ZNHIT3: variants seen among roughly 807,000 people sequenced by gnomAD.
ZNHIT3 encodes the protein zinc finger HIT-type containing 3, also known as zinc finger HIT domain-containing protein 3.
ZNHIT3 carries 27 observed loss-of-function variants against 19.9 expected under a neutral mutation model. The observed-to-expected ratio is 1.36, with a 90% CI of 1.00 to 1.87. ZNHIT3 has a LOEUF of 1.87. ZNHIT3 is among the 40% of genes most tolerant of loss of function. ZNHIT3 has a pLI of 0.00. For missense variants in ZNHIT3, 215 were observed against 185.6 expected (o/e 1.16, Z -0.92); for synonymous variants, 81 against 65.7 (o/e 1.23, Z -1.13).
Position 36,486,766 on chromosome 17 carries a change from C to T in ZNHIT3, c.67C>T (p.Pro23Ser), listed in dbSNP as rs759131853. Reference sequence around the variant, plus strand: ...CTTGGAGAAGCCCAAATACCGCTGTCCAGCCTGCCGCGTGCCCTAGTGAGC... The same window carrying T: ...CTTGGAGAAGCCCAAATACCGCTGTTCAGCCTGCCGCGTGCCCTAGTGAGC... ...ICLEKPKYRCPACRVPYCSVV... is the reference protein window; with the variant it reads ...ICLEKPKYRCSACRVPYCSVV... Residue 23 changes from proline to serine, a missense_variant, in exon 1 of 5, where the codon CCA (proline) becomes TCA (serine). Physicochemically the swap from Pro to Ser is moderately conservative, Grantham distance 74 (BLOSUM62 -1). Transcript: ENST00000617429. 5 of 1,613,420 alleles carry T rather than the reference C, an allele frequency of 3.1e-6. No individual in the cohort carries two copies. The South Asian group carries it at 5.5e-5, about 18-fold the overall frequency.
downstream of ZNHIT3, chr17:36,498,503 G>C: frequency 6.2e-7 from 1 of 1,614,058 alleles, no homozygotes; most frequent in African/African-American, 1.3e-5. Context: ...GAGCTTGAGA[G>C]AAGTGTTTTT....
In ZNHIT3 at chr17:36,486,958, A is replaced by T. The variant is rs768251201; in HGVS notation, c.110A>T (p.Lys37Met). 7.4e-6 allele frequency: 12 copies of T among 1,611,266 alleles called. No individual in the cohort carries two copies. Among genetic ancestry groups the T allele is most frequent in the Non-Finnish European group, 1.0e-5 (12 of 1,179,482 alleles). ...VPYCSVVCFRKHKEQCNPETR... is the reference protein window; with the variant it reads ...VPYCSVVCFRMHKEQCNPETR... ...AGCTGCTCGGTAGTCTGCTTCCGGA[A>T]GCACAAAGGTGAGCCCCGTCCCCGC... The change falls in exon 2 of 5, where the codon AAG becomes ATG. Residue 37 changes from lysine to methionine, a missense_variant. By Grantham distance (95) the Lys-to-Met change is moderately conservative. Transcript: ENST00000617429.
At chr17:36,490,256 G>A (rs1178373866) in intron 2 of ZNHIT3, 5 of 152,098 alleles carry the variant, frequency 3.3e-5, no homozygotes, top group African/African-American at 9.7e-5. Context: ...TATATATGGT[G>A]ACAGATAAGG....
In ZNHIT3 at chr17:36,492,839, G is replaced by T. The variant is rs1427537650; in HGVS notation, c.145G>T (p.Val49Phe). Reference sequence around the variant, plus strand: ...ACAGTGCAACCCTGAAACTCGTCCTGTTGAGAAAAAAATAAGATCAGCTCT... The same window carrying T: ...ACAGTGCAACCCTGAAACTCGTCCTTTTGAGAAAAAAATAAGATCAGCTCT... Reference protein sequence around the residue: ...KEQCNPETRPVEKKIRSALPT... With the variant: ...KEQCNPETRPFEKKIRSALPT... The change falls in exon 3 of 5, where the codon GTT becomes TTT. Residue 49 changes from valine (V) to phenylalanine (F), a missense_variant. Val to Phe is a conservative substitution (Grantham distance 50). Coordinates refer to ENST00000617429, the MANE Select transcript of ZNHIT3 (RefSeq NM_004773.4). 6 of 1,614,028 alleles carry T rather than the reference G, an allele frequency of 3.7e-6. No homozygotes were observed. The East Asian group carries it at 1.3e-4, about 36-fold the overall frequency.
chr17:36,492,134 C>T (rs1334383924), intron 2 of ZNHIT3: 2 of 152,332 alleles, frequency 1.3e-5, no homozygotes, highest in East Asian at 3.8e-4. Context: ...TCTGGTCCTG[C>T]CTTTATGTCC....
chr17:36,489,067 T>C (rs1252456651), intron 2 of ZNHIT3: 4 of 152,258 alleles, frequency 2.6e-5, no homozygotes, highest in South Asian at 2.1e-4. Flanking sequence ...GAACATCTTA[T>C]GGTGCCTGGC....
At chr17:36,487,128 GTC>G (rs957412271) in intron 2 of ZNHIT3, among the ~76,000 whole-genome samples, 162 bp downstream of exon 2, 17 of 152,294 alleles carry the variant, frequency 1.1e-4, no homozygotes, top group African/African-American at 3.9e-4. Context: ...GGTCCCTGGT[GTC>G]TCTGTGTGTC....
chr17:36,495,733 A>C lies in ZNHIT3; in HGVS notation c.*329A>C, dbSNP rs1567719798. 5 of 1,247,028 alleles carry C rather than the reference A, an allele frequency of 4.0e-6. No homozygotes were observed. Among genetic ancestry groups the C allele is most frequent in the African/African-American group, 3.1e-5 (2 of 64,754 alleles). The allele number at this position is 1,247,028 out of a possible 1,614,324, so 77.2% of individuals were successfully genotyped here. A position where few individuals can be genotyped will look rare whatever the true frequency, so the allele number is the denominator to read the frequency against. ...GAGTTAAACTTGGTCAGTGTTAATA[A>C]AATCAAAACGTGATTCTACTGTACA... On this transcript the variant is annotated 3_prime_UTR_variant, in exon 5 of 5. Coordinates refer to ENST00000617429, the MANE Select transcript of ZNHIT3 (RefSeq NM_004773.4).
downstream of ZNHIT3, chr17:36,497,577 C>A (rs1409986446): frequency 3.1e-6 from 3 of 983,594 alleles, no homozygotes; most frequent in Admixed American, 6.2e-5. Flanking sequence ...CCTATTATTA[C>A]CCTAAACCAA....
chr17:36,498,970 C>T (rs143705091), downstream of ZNHIT3: 9 of 919,266 alleles, frequency 9.8e-6, no homozygotes, highest in African/African-American at 1.5e-4. Context: ...AACAACCTGC[C>T]CAAGGCCACC....
At chr17:36,497,965 A>G, downstream of ZNHIT3, 1 of 396,756 alleles carries the variant, frequency 2.5e-6, no homozygotes, top group Non-Finnish European at 4.5e-6. Context: ...GAGCATCAGA[A>G]TCAGCTGGGA....
chr17:36,487,176 T>C (rs1399885820), intron 2 of ZNHIT3, among the ~76,000 whole-genome samples: 1 of 152,188 alleles, frequency 6.6e-6, no homozygotes, highest in African/African-American at 2.4e-5. Context: ...CTGTAATCGC[T>C]CTCAGGGTTT....
At chr17:36,495,853 A>C, downstream of ZNHIT3, 1 of 1,241,104 alleles carries the variant, frequency 8.1e-7, no homozygotes, top group Non-Finnish European at 1.0e-6. Flanking sequence ...AAATAACCAC[A>C]AGATTTTTCC....
At chr17:36,497,281 C>T (rs1029091828), downstream of ZNHIT3, among the ~76,000 whole-genome samples, 6 of 149,792 alleles carry the variant, frequency 4.0e-5, no homozygotes, top group African/African-American at 9.9e-5. Flanking sequence ...CCATCCTGGG[C>T]GACAGAGTGA....
intron 4 of ZNHIT3, among the ~76,000 whole-genome samples, chr17:36,494,474 A>G (rs1349944173): frequency 1.3e-5 from 2 of 152,188 alleles, no homozygotes; most frequent in African/African-American, 2.4e-5. Flanking sequence ...TGGTTATCAC[A>G]TGATTTGATT....
At chr17:36,488,545 AAAAAAAATT>A (rs1410209925) in intron 2 of ZNHIT3, among the ~76,000 whole-genome samples, 2 of 151,956 alleles carry the variant, frequency 1.3e-5, no homozygotes, top group Non-Finnish European at 2.9e-5. Flanking sequence ...ACTCCATCTA[AAAAAAAATT>A]AAAAAAATTA....
intron 2 of ZNHIT3, among the ~76,000 whole-genome samples, chr17:36,488,965 C>T (rs1420482958): frequency 6.6e-6 from 1 of 152,092 alleles, no homozygotes; most frequent in East Asian, 1.9e-4. Flanking sequence ...TCTCCCTAGC[C>T]CCCTACACTC....
intron 2 of ZNHIT3, among the ~76,000 whole-genome samples, chr17:36,488,141 C>A (rs1218609827): frequency 7.3e-5 from 11 of 149,690 alleles, no homozygotes; most frequent in Non-Finnish European, 1.5e-4. Context: ...CAGCTTATTT[C>A]CACTCTTGTA....
At chr17:36,496,024 T>G (rs1449932214), downstream of ZNHIT3, 3 of 796,736 alleles carry the variant, frequency 3.8e-6, no homozygotes, top group Non-Finnish European at 5.5e-6. Context: ...TTCTTAACCC[T>G]GATTTGGTAA....
Sources: allele counts gnomAD v4.1 joint callset (sites outside exome capture counted in the v4.1 genomes callset), GRCh38; gene constraint gnomAD v4.1.1; transcripts MANE v1.5; gene names NCBI Gene and HGNC (gene_info 2026-07-23, HGNC 2026-07-21).